DGKB: variants seen among roughly 807,000 people sequenced by gnomAD.
DGKB encodes the protein 90 kDa diacylglycerol kinase.
In DGKB, 67 loss-of-function variants were observed where a neutral mutation model predicts 114.3. That is an observed-to-expected ratio of 0.59 (90% CI 0.48 to 0.72). The LOEUF (loss-of-function observed/expected upper bound fraction) is 0.72, where lower values mean the gene tolerates loss of function less well. DGKB is among the 30% of genes least tolerant of loss of function. The pLI, the probability that DGKB is intolerant of heterozygous loss-of-function variation, is 0.00. For synonymous variants in DGKB, 398 were observed against 323.1 expected (o/e 1.23, Z -2.49); for missense variants, 907 against 975.2 (o/e 0.93, Z 0.93).
At chr7:14,821,111 A>T (rs1844872292) in intron 2 of DGKB, among the ~76,000 whole-genome samples, 1 of 152,180 alleles carries the variant, frequency 6.6e-6, no homozygotes, top group Admixed American at 6.5e-5. Context: ...CATACCTTTG[A>T]CTAAAAAGGG....
intron 1 of DGKB, among the ~76,000 whole-genome samples, chr7:14,880,574 AC>A (rs1430542985): frequency 6.6e-6 from 1 of 152,224 alleles, no homozygotes; most frequent in Non-Finnish European, 1.5e-5. Flanking sequence ...CAAGGAACTT[AC>A]AAATGGAAGA....
At chr7:14,795,472 T>C (rs1275779015) in intron 2 of DGKB, among the ~76,000 whole-genome samples, 3 of 152,274 alleles carry the variant, frequency 2.0e-5, no homozygotes, top group Non-Finnish European at 4.4e-5. Flanking sequence ...TACTTACCCA[T>C]AGTGGGAGAG....
chr7:14,543,588 C>G (rs1012989552), intron 20 of DGKB, among the ~76,000 whole-genome samples: 1 of 152,138 alleles, frequency 6.6e-6, no homozygotes, highest in African/African-American at 2.4e-5. Flanking sequence ...AGAAAATCTC[C>G]CTGAACTTCA....
intron 23 of DGKB, among the ~76,000 whole-genome samples, chr7:14,259,834 A>G (rs1412612852): frequency 6.6e-6 from 1 of 152,198 alleles, no homozygotes; most frequent in Non-Finnish European, 1.5e-5. Flanking sequence ...GGTTCGTAAT[A>G]GGAATGTCTG....
intron 20 of DGKB, among the ~76,000 whole-genome samples, chr7:14,515,279 T>C (rs148663267): frequency 1.4e-4 from 21 of 152,270 alleles, no homozygotes; most frequent in African/African-American, 4.8e-4. Context: ...TTACACAATA[T>C]CTCTGAGGAA....
At chr7:14,659,007 C>G (rs527770699) in intron 13 of DGKB, among the ~76,000 whole-genome samples, 169 of 151,892 alleles carry the variant, frequency 1.1e-3, no homozygotes, top group Non-Finnish European at 1.5e-4. Context: ...CACCTATCAA[C>G]CCATCATCTA....
At chr7:14,563,599 T>A (rs562044350) in intron 20 of DGKB, among the ~76,000 whole-genome samples, 1 of 151,894 alleles carries the variant, frequency 6.6e-6, no homozygotes, top group African/African-American at 2.4e-5. Context: ...AGTATCTTTA[T>A]AAGAGTTATT....
At chr7:14,744,449 T>C (rs1042962283) in intron 4 of DGKB, among the ~76,000 whole-genome samples, 1 of 152,138 alleles carries the variant, frequency 6.6e-6, no homozygotes, top group Non-Finnish European at 1.5e-5. Context: ...ACAGGGTTCC[T>C]AATCTGTAAT....
intron 13 of DGKB, among the ~76,000 whole-genome samples, chr7:14,631,263 CAAAAAAAAAAAA>C (rs35088925): frequency 1.0e-5 from 1 of 98,432 alleles, no homozygotes; most frequent in Non-Finnish European, 2.0e-5. Flanking sequence ...CAGCAAGAAC[CAAAAAAAAAAAA>C]AAAAAAAGAA....
chr7:14,775,701 T>A (rs191202707), intron 2 of DGKB, among the ~76,000 whole-genome samples: 1 of 152,192 alleles, frequency 6.6e-6, no homozygotes, highest in Admixed American at 6.5e-5. Flanking sequence ...TGATTCTTTT[T>A]CTGCCATGAT....
At chr7:14,555,037 C>T (rs1301988491) in intron 20 of DGKB, among the ~76,000 whole-genome samples, 3 of 152,146 alleles carry the variant, frequency 2.0e-5, no homozygotes, top group East Asian at 3.9e-4. Context: ...TTTCCTGTTC[C>T]GGATGATAGC....
At chr7:14,336,278 A>G (rs1307848470) in intron 23 of DGKB, among the ~76,000 whole-genome samples, 1 of 152,172 alleles carries the variant, frequency 6.6e-6, no homozygotes, top group Admixed American at 6.5e-5. Flanking sequence ...AATCATCACT[A>G]AAAAGAAAAG....
intron 20 of DGKB, among the ~76,000 whole-genome samples, chr7:14,524,345 A>C (rs535053812): frequency 2.6e-5 from 4 of 152,318 alleles, no homozygotes; most frequent in African/African-American, 9.6e-5. Context: ...GAGTGGTAGA[A>C]GAATACCTTT....
In DGKB at chr7:14,383,249, G is replaced by C. The variant is rs1005036747; in HGVS notation, c.1836-37858C>G. On this transcript the variant is annotated intron_variant, in intron 21 of 25. Coordinates refer to ENST00000402815, the MANE Select transcript of DGKB (RefSeq NM_001350709.2). ...TCTTGTCTCTGCACACCTTTTTTAG[G>C]GGGGACTGATGCCTGGTTATATCTG... 3.9e-5 allele frequency among the ~76,000 whole-genome samples: 6 copies of C among 152,186 alleles called. 1 individual carries two copies. Among genetic ancestry groups the C allele is most frequent in the Middle Eastern group, 6.8e-3 (2 of 294 alleles).
chr7:14,697,998 AAAGAAAG>A (rs1824362265), intron 8 of DGKB, 90 bp downstream of exon 8: 3 of 162,014 alleles, frequency 1.9e-5, no homozygotes, highest in Middle Eastern at 1.1e-3. Context: ...AGAAAGAAAA[AAAGAAAG>A]AAAGAAAGAA....
intron 13 of DGKB, among the ~76,000 whole-genome samples, chr7:14,633,754 G>A (rs539733252): frequency 2.0e-5 from 3 of 151,742 alleles, no homozygotes; most frequent in South Asian, 4.2e-4. Context: ...TGTGAGGTGT[G>A]ACTACAGAGG....
intron 23 of DGKB, chr7:14,191,682 A>G (rs1784340401): frequency 6.2e-6 from 2 of 324,728 alleles, no homozygotes; most frequent in South Asian, 3.2e-5. Context: ...CTTCTGGGGG[A>G]CAAAGGGGGC....
Position 14,320,262 on chromosome 7 carries a change from C to A in DGKB, c.2122+18253G>T, listed in dbSNP as rs567696544. Among the ~76,000 whole-genome samples, 5 of 152,256 alleles carry A rather than the reference C, an allele frequency of 3.3e-5. No homozygotes were observed. The East Asian group carries it at 5.8e-4, about 18-fold the overall frequency. ...AGGTGTTCTATCTACTTCTATCTTA[C>A]AATGAATTCTGAGCTTATGACTTGG... On this transcript the variant is annotated intron_variant, in intron 23 of 25. Coordinates refer to ENST00000402815, the MANE Select transcript of DGKB (RefSeq NM_001350709.2).
intron 20 of DGKB, among the ~76,000 whole-genome samples, chr7:14,482,950 T>C (rs1023672159): frequency 3.3e-5 from 5 of 152,148 alleles, no homozygotes; most frequent in Non-Finnish European, 7.4e-5. Context: ...TGCTGCAGAA[T>C]AGTTAATAAT....
Sources: allele counts gnomAD v4.1 joint callset (sites outside exome capture counted in the v4.1 genomes callset), GRCh38; gene constraint gnomAD v4.1.1; transcripts MANE v1.5; gene names NCBI Gene and HGNC (gene_info 2026-07-23, HGNC 2026-07-21).